The following HS6ST3 variants were observed in gnomAD, a reference collection of about 807,000 sequenced individuals.
HS6ST3 encodes the protein heparan sulfate 6-O-sulfotransferase 3.
HS6ST3 carries 12 observed loss-of-function variants against 36.7 expected under a neutral mutation model. The observed-to-expected ratio is 0.33, with a 90% CI of 0.21 to 0.53. The LOEUF is 0.53. HS6ST3 is among the 20% of genes least tolerant of loss of function. The probability of loss-of-function intolerance (pLI) is 0.95; values close to 1 mark genes in which losing one functional copy is unlikely to be tolerated. For missense variants in HS6ST3, 584 were observed against 640.9 expected (o/e 0.91, Z 0.96); for synonymous variants, 240 against 257.5 (o/e 0.93, Z 0.65).
chr13:96,293,790 CA>C (rs2054841508), intron 1 of HS6ST3, among the ~76,000 whole-genome samples: 1 of 152,076 alleles, frequency 6.6e-6, no homozygotes, highest in Non-Finnish European at 1.5e-5. Context: ...GCACTGTCTT[CA>C]TGATGCACAA....
intron 1 of HS6ST3, among the ~76,000 whole-genome samples, chr13:96,296,509 A>G (rs2139401448): frequency 6.6e-6 from 1 of 152,276 alleles, no homozygotes; most frequent in Middle Eastern, 3.4e-3. Flanking sequence ...TAGATTGTGA[A>G]CTACAGAACA....
intron 1 of HS6ST3, among the ~76,000 whole-genome samples, chr13:96,707,533 T>C (rs1215116569): frequency 2.6e-5 from 4 of 152,230 alleles, no homozygotes; most frequent in African/African-American, 7.2e-5. Context: ...CCCATCAATC[T>C]GAATTTTAAA....
At position 96,353,331 on chromosome 13, in the gene HS6ST3, AT is replaced by A. The variant is rs150643928; in HGVS notation, c.707+261764del. 6.3e-3 allele frequency among the ~76,000 whole-genome samples: 953 copies of A among 152,166 alleles called. 32 individuals carry two copies. The East Asian group carries it at 0.079, about 13-fold the overall frequency. ...GAAGATAGTACTAATAGGGAGACAA[AT>A]TAATGGAAGTGAATAGGTTCAAGTA... On this transcript the variant is annotated intron_variant, in intron 1 of 1. Transcript: ENST00000376705.
intron 1 of HS6ST3, among the ~76,000 whole-genome samples, chr13:96,300,056 T>A (rs914260909): frequency 7.4e-6 from 1 of 134,974 alleles, no homozygotes; most frequent in African/African-American, 2.8e-5. Flanking sequence ...ACTTTTTTTT[T>A]TTTTTTTTTT....
chr13:96,440,900 G>A (rs542456457), intron 1 of HS6ST3, among the ~76,000 whole-genome samples: 49 of 152,116 alleles, frequency 3.2e-4, no homozygotes, highest in Non-Finnish European at 6.5e-4. Flanking sequence ...AGAAATAGAC[G>A]GAGGACTGCA....
At chr13:96,490,488 T>G (rs564200359) in intron 1 of HS6ST3, among the ~76,000 whole-genome samples, 41 of 152,166 alleles carry the variant, frequency 2.7e-4, no homozygotes, top group Non-Finnish European at 5.3e-4. Flanking sequence ...TGAAAAAGTA[T>G]TACAATGCTA....
intron 1 of HS6ST3, among the ~76,000 whole-genome samples, chr13:96,107,888 G>A (rs2053849084): frequency 1.3e-5 from 2 of 152,082 alleles, no homozygotes; most frequent in African/African-American, 2.4e-5. Flanking sequence ...ATCTTCGTAA[G>A]CTGAGGATAT....
At chr13:96,578,277 T>C (rs2056328950) in intron 1 of HS6ST3, among the ~76,000 whole-genome samples, 1 of 152,198 alleles carries the variant, frequency 6.6e-6, no homozygotes. Flanking sequence ...GGAAGCAGTC[T>C]GGAAGTGTAT....
intron 1 of HS6ST3, among the ~76,000 whole-genome samples, chr13:96,280,091 A>G (rs1029664857): frequency 4.6e-5 from 7 of 152,082 alleles, no homozygotes; most frequent in African/African-American, 7.2e-5. Flanking sequence ...AACATATTAC[A>G]CTGGCAGGTT....
intron 1 of HS6ST3, among the ~76,000 whole-genome samples, chr13:96,752,822 T>C (rs1876732465): frequency 6.6e-6 from 1 of 152,214 alleles, no homozygotes; most frequent in South Asian, 2.1e-4. Context: ...AATTCTTTTA[T>C]GGTTTGTTTG....
chr13:96,446,125 A>G (rs2055697608), intron 1 of HS6ST3, among the ~76,000 whole-genome samples: 1 of 151,482 alleles, frequency 6.6e-6, no homozygotes. Flanking sequence ...GTGAGCCGAG[A>G]TCACACCACT....
intron 1 of HS6ST3, among the ~76,000 whole-genome samples, chr13:96,222,902 A>G (rs1421037008): frequency 1.3e-5 from 2 of 152,138 alleles, no homozygotes; most frequent in Non-Finnish European, 2.9e-5. Flanking sequence ...TAGCCTGTGT[A>G]TATATATGTT....
intron 1 of HS6ST3, among the ~76,000 whole-genome samples, chr13:96,443,335 C>CCTG (rs1335972907): frequency 6.6e-6 from 1 of 151,846 alleles, no homozygotes; most frequent in Admixed American, 6.6e-5. Context: ...TTGAGACCAT[C>CCTG]CTGGCTAACA....
chr13:96,736,969 G>A (rs1267609481), intron 1 of HS6ST3, among the ~76,000 whole-genome samples: 1 of 152,034 alleles, frequency 6.6e-6, no homozygotes, highest in Non-Finnish European at 1.5e-5. Flanking sequence ...CGAAATCATA[G>A]CACTAACTGA....
At chr13:96,479,094 G>A (rs912697702) in intron 1 of HS6ST3, among the ~76,000 whole-genome samples, 6 of 152,198 alleles carry the variant, frequency 3.9e-5, no homozygotes, top group African/African-American at 1.4e-4. Context: ...TGGCAGAGGA[G>A]TGTCAAGGGG....
chr13:96,573,260 T>A (rs1347710846), intron 1 of HS6ST3, among the ~76,000 whole-genome samples: 1 of 152,242 alleles, frequency 6.6e-6, no homozygotes, highest in East Asian at 1.9e-4. Flanking sequence ...GAAAATAGTG[T>A]TTTATGTTCC....
intron 1 of HS6ST3, among the ~76,000 whole-genome samples, chr13:96,567,416 C>G (rs1339985010): frequency 1.3e-5 from 2 of 152,104 alleles, no homozygotes; most frequent in Non-Finnish European, 2.9e-5. Flanking sequence ...CATCAGACTT[C>G]CCATCAGCAA....
intron 1 of HS6ST3, among the ~76,000 whole-genome samples, chr13:96,643,516 C>T (rs2056577665): frequency 6.6e-6 from 1 of 151,782 alleles, no homozygotes; most frequent in Non-Finnish European, 1.5e-5. Context: ...AACTGTTATC[C>T]ACTGCTTCAG....
At chr13:96,412,023 T>A (rs1046960886) in intron 1 of HS6ST3, among the ~76,000 whole-genome samples, 1 of 152,144 alleles carries the variant, frequency 6.6e-6, no homozygotes, top group Non-Finnish European at 1.5e-5. Context: ...CCTTTTTTTT[T>A]GAGACGGATT....
Sources: gnomAD v4.1 joint callset for allele counts (sites outside exome capture counted in the v4.1 genomes callset) on GRCh38, gnomAD v4.1.1 for gene constraint, MANE v1.5 for transcripts, NCBI Gene and HGNC (gene_info 2026-07-23, HGNC 2026-07-21) for gene names.